TNIK: variants seen among roughly 807,000 people sequenced by gnomAD.
The protein encoded by TNIK is TRAF2 and NCK interacting kinase, also known as TRAF2 and NCK-interacting protein kinase.
TNIK carries 49 observed loss-of-function variants against 191.3 expected under a neutral mutation model. That is an observed-to-expected ratio of 0.26 (90% CI 0.20 to 0.32). The LOEUF is 0.32. Ranked by LOEUF, TNIK falls within the 10% of genes least tolerant of loss-of-function variation. TNIK has a pLI of 1.00. For missense variants in TNIK, 1,155 were observed against 1,702.3 expected (o/e 0.68, Z 5.66); for synonymous variants, 594 against 600.9 (o/e 0.99, Z 0.17).
At chr3:171,110,663 C>CA in intron 19 of TNIK, 51 bp downstream of exon 19, 2 of 1,519,486 alleles carry the variant, frequency 1.3e-6, no homozygotes, top group South Asian at 2.6e-5. Context: ...TCCCTGTCCA[C>CA]AGCTTTCCTC....
intron 29 of TNIK, 21 bp from the exon 30 acceptor site, chr3:171,069,018 G>A (rs773618509): frequency 1.9e-6 from 3 of 1,600,894 alleles, no homozygotes; most frequent in African/African-American, 2.7e-5. Flanking sequence ...CACCCCATTA[G>A]TATCCGCATC....
intron 3 of TNIK, among the ~76,000 whole-genome samples, chr3:171,219,303 T>C (rs1238162869): frequency 6.9e-6 from 1 of 144,766 alleles, no homozygotes; most frequent in African/African-American, 2.5e-5. Context: ...TATCATTTTA[T>C]ATATATAATG....
chr3:171,255,990 C>G (rs1307310078), intron 2 of TNIK, among the ~76,000 whole-genome samples: 1 of 151,996 alleles, frequency 6.6e-6, no homozygotes, highest in Non-Finnish European at 1.5e-5. Flanking sequence ...TTGTATAGAA[C>G]CACAGAAACA....
chr3:171,078,955 T>C (rs1386177189), intron 28 of TNIK, among the ~76,000 whole-genome samples: 1 of 152,206 alleles, frequency 6.6e-6, no homozygotes. Flanking sequence ...GTGGCCTAAT[T>C]ACTCAGAGGT....
intron 13 of TNIK, 83 bp downstream of exon 13, chr3:171,140,316 A>G (rs1730632513): frequency 8.7e-7 from 1 of 1,155,590 alleles, no homozygotes; most frequent in Admixed American, 2.4e-5. Context: ...AGCATTCCTC[A>G]GAAAAGGTGA....
chr3:171,368,757 A>G (rs1187161045), intron 2 of TNIK, among the ~76,000 whole-genome samples: 1 of 152,164 alleles, frequency 6.6e-6, no homozygotes, highest in African/African-American at 2.4e-5. Context: ...ATTTTTAAAA[A>G]TAGAACACGA....
intron 7 of TNIK, among the ~76,000 whole-genome samples, chr3:171,179,154 CAACACCATCATTCTA>C (rs1237299125): frequency 6.6e-6 from 1 of 152,200 alleles, no homozygotes; most frequent in African/African-American, 2.4e-5. Context: ...TGCACCTTCA[CAACACCATCATTCTA>C]AGACTCCAAG....
chr3:171,425,637 C>T (rs1414850398), intron 1 of TNIK, among the ~76,000 whole-genome samples: 1 of 151,962 alleles, frequency 6.6e-6, no homozygotes, highest in African/African-American at 2.4e-5. Flanking sequence ...ACCAGCCTGG[C>T]CAACATGGTG....
At chr3:171,434,284 C>T (rs1725743785) in intron 1 of TNIK, among the ~76,000 whole-genome samples, 1 of 151,916 alleles carries the variant, frequency 6.6e-6, no homozygotes, top group Non-Finnish European at 1.5e-5. Flanking sequence ...TTTTTCTTGG[C>T]TCACAAAAAT....
At chr3:171,428,803 G>A (rs939014984) in intron 1 of TNIK, among the ~76,000 whole-genome samples, 3 of 152,210 alleles carry the variant, frequency 2.0e-5, no homozygotes, top group East Asian at 1.9e-4. Flanking sequence ...TACATGTGAT[G>A]GCTGTGATCA....
At chr3:171,188,340 C>T (rs1737625160) in intron 7 of TNIK, among the ~76,000 whole-genome samples, 1 of 152,148 alleles carries the variant, frequency 6.6e-6, no homozygotes, top group Non-Finnish European at 1.5e-5. Context: ...AACAAACTCA[C>T]ATCTTAGTTT....
chr3:171,314,183 A>G (rs1217045755), intron 2 of TNIK, among the ~76,000 whole-genome samples: 1 of 152,202 alleles, frequency 6.6e-6, no homozygotes, highest in Non-Finnish European at 1.5e-5. Context: ...GTCCCTTTAC[A>G]ACCACATCTC....
intron 12 of TNIK, among the ~76,000 whole-genome samples, chr3:171,152,999 C>T (rs1249013732): frequency 2.6e-5 from 4 of 152,106 alleles, no homozygotes; most frequent in African/African-American, 9.7e-5. Context: ...TCTTGATCTC[C>T]TGATCTCGTG....
At chr3:171,315,114 A>G (rs1449412628) in intron 2 of TNIK, among the ~76,000 whole-genome samples, 3 of 152,162 alleles carry the variant, frequency 2.0e-5, no homozygotes, top group South Asian at 2.1e-4. Flanking sequence ...AAGCAGGGGT[A>G]GGAGATGTGA....
chr3:171,235,377 A>G (rs967041208), intron 2 of TNIK, among the ~76,000 whole-genome samples: 5 of 152,092 alleles, frequency 3.3e-5, no homozygotes, highest in African/African-American at 1.2e-4. Context: ...TTCTGGGAGG[A>G]CTAACCCCCC....
chr3:171,096,713 C>A (rs1465104477), intron 22 of TNIK, among the ~76,000 whole-genome samples: 1 of 152,128 alleles, frequency 6.6e-6, no homozygotes, highest in Non-Finnish European at 1.5e-5. Context: ...TGCATCTCTA[C>A]CACTGCATTC....
intron 1 of TNIK, among the ~76,000 whole-genome samples, chr3:171,413,865 G>C (rs1722718831): frequency 6.6e-6 from 1 of 152,118 alleles, no homozygotes; most frequent in Non-Finnish European, 1.5e-5. Context: ...CCAAATCGTA[G>C]TTCCTTCTCT....
intron 2 of TNIK, among the ~76,000 whole-genome samples, chr3:171,304,681 TA>T (rs767848451): frequency 6.6e-6 from 1 of 152,018 alleles, no homozygotes; most frequent in Admixed American, 6.6e-5. Context: ...TATGCAGCCA[TA>T]AAAAATGATG....
chr3:171,442,219 A>T (rs11915066), intron 1 of TNIK, among the ~76,000 whole-genome samples: 63,875 of 152,074 alleles, frequency 0.42, 13,921 homozygotes, highest in East Asian at 0.69. Context: ...GGAAAGAAGG[A>T]CAGGGGATTA....
Sources: allele counts gnomAD v4.1 joint callset (sites outside exome capture counted in the v4.1 genomes callset), GRCh38; gene constraint gnomAD v4.1.1; transcripts MANE v1.5; gene names NCBI Gene and HGNC (gene_info 2026-07-23, HGNC 2026-07-21).